Variants in IQSEC1 observed in about 807,000 individuals in gnomAD.
IQSEC1 encodes IQ motif and SEC7 domain-containing protein 1.
In IQSEC1, 31 loss-of-function variants were observed where a neutral mutation model predicts 91.0. That is an observed-to-expected ratio of 0.34 (90% CI 0.26 to 0.46). The LOEUF (loss-of-function observed/expected upper bound fraction) is 0.46, where lower values mean the gene tolerates loss of function less well. Among genes scored for constraint, IQSEC1 ranks in the 20% least tolerant of loss-of-function variants. The probability of loss-of-function intolerance (pLI) is 1.00; values close to 1 mark genes in which losing one functional copy is unlikely to be tolerated. For missense variants in IQSEC1, 1,388 were observed against 1,575.6 expected (o/e 0.88, Z 2.02); for synonymous variants, 699 against 662.6 (o/e 1.05, Z -0.84).
At chr3:13,262,161 C>T (rs574184131) in intron 1 of IQSEC1, among the ~76,000 whole-genome samples, 32 of 152,304 alleles carry the variant, frequency 2.1e-4, no homozygotes, top group African/African-American at 7.2e-4. Context: ...CCCAGGTGAA[C>T]GGGGTCAGTC....
intron 8 of IQSEC1, among the ~76,000 whole-genome samples, chr3:12,914,407 G>T (rs1326461293): frequency 1.3e-5 from 2 of 152,246 alleles, no homozygotes; most frequent in Non-Finnish European, 2.9e-5. Flanking sequence ...TCTACCAGGG[G>T]TGCTCTAGGC....
At position 12,901,210 on chromosome 3, in the gene IQSEC1, A is replaced by T; in HGVS notation, c.3118T>A (p.Tyr1040Asn). 6.5e-7 allele frequency: 1 copy of T among 1,545,934 alleles called. No individual in the cohort carries two copies. Among genetic ancestry groups the T allele is most frequent in the Non-Finnish European group, 8.7e-7 (1 of 1,144,794 alleles). Reference sequence around the variant, plus strand: ...GGGTGGTGGTGGTGGTGATGGTGGTACGGGGGAGGGTTCTGCATGTGGCAG... The same window carrying T: ...GGGTGGTGGTGGTGGTGATGGTGGTTCGGGGGAGGGTTCTGCATGTGGCAG... ...QYCHMQNPPPYHHHHHHHPPQ... is the reference protein window; with the variant it reads ...QYCHMQNPPPNHHHHHHHPPQ... Residue 1040 changes from tyrosine (Y) to asparagine (N), a missense_variant, in exon 14 of 14, where the codon TAC becomes AAC. Physicochemically the swap from Tyr to Asn is moderately radical, Grantham distance 143 (BLOSUM62 -2). Coordinates refer to ENST00000613206, the MANE Select transcript of IQSEC1 (RefSeq NM_001134382.3).
intron 1 of IQSEC1, among the ~76,000 whole-genome samples, chr3:12,958,537 T>A (rs1373782623): frequency 2.0e-5 from 3 of 152,242 alleles, no homozygotes; most frequent in African/African-American, 7.2e-5. Flanking sequence ...GAGTAGCTGC[T>A]GCCACTGTCA....
intron 2 of IQSEC1, among the ~76,000 whole-genome samples, chr3:13,143,411 G>A (rs1320494130): frequency 2.0e-5 from 3 of 152,208 alleles, no homozygotes; most frequent in African/African-American, 2.4e-5. Flanking sequence ...AGAAGCCAGC[G>A]GGTATGTGAG....
chr3:13,202,184 A>G (rs969371313), intron 1 of IQSEC1, among the ~76,000 whole-genome samples: 1 of 152,242 alleles, frequency 6.6e-6, no homozygotes. Context: ...AAGAAATTGG[A>G]ATCCTTGTGT....
intron 1 of IQSEC1, among the ~76,000 whole-genome samples, chr3:13,166,457 A>C (rs1220772713): frequency 6.6e-6 from 1 of 152,192 alleles, no homozygotes; most frequent in African/African-American, 2.4e-5. Context: ...GGGGACAAGC[A>C]CTGACCCTGA....
chr3:12,958,730 G>A (rs1368733572), intron 1 of IQSEC1, among the ~76,000 whole-genome samples: 1 of 152,194 alleles, frequency 6.6e-6, no homozygotes, highest in Non-Finnish European at 1.5e-5. Flanking sequence ...GTGTGACTTT[G>A]GCTTGTTTTG....
chr3:13,145,945 G>A (rs1395760219), intron 2 of IQSEC1, among the ~76,000 whole-genome samples: 1 of 152,196 alleles, frequency 6.6e-6, no homozygotes, highest in Non-Finnish European at 1.5e-5. Flanking sequence ...GGGTGCATGA[G>A]CAGGAGGGAA....
At chr3:13,031,321 C>T (rs534507518) in intron 1 of IQSEC1, among the ~76,000 whole-genome samples, 1 of 152,246 alleles carries the variant, frequency 6.6e-6, no homozygotes, top group African/African-American at 2.4e-5. Context: ...TCCACCCCAG[C>T]TGGTAGACAA....
chr3:12,909,721 G>A lies in IQSEC1; in HGVS notation c.2417-287C>T, dbSNP rs1695385243. 6.6e-6 allele frequency among the ~76,000 whole-genome samples: 1 copy of A among 152,246 alleles called. No homozygotes were observed. The highest frequency in any genetic ancestry group is 6.5e-5 in the Admixed American group (1 of 15,288). ...TGGAGGAGGACAGAGGTTGCGTCCT[G>A]AGAAAGGTGGGAGTCTTCTCTAGTC... is the stretch of plus-strand genomic sequence containing the variant. On this transcript the variant is annotated intron_variant, in intron 10 of 13. Transcript: ENST00000613206. This position sits in a 1 kb window ranked among gnomAD's most constrained non-coding sequence, Gnocchi z 4.9.
chr3:12,904,158 C>A (rs892281), intron 12 of IQSEC1, among the ~76,000 whole-genome samples: 1 of 152,138 alleles, frequency 6.6e-6, no homozygotes, highest in Non-Finnish European at 1.5e-5. Context: ...GGCTTCGAGC[C>A]TCCCCGTGCC....
chr3:13,143,490 C>G (rs1706835087), intron 2 of IQSEC1, among the ~76,000 whole-genome samples: 1 of 152,232 alleles, frequency 6.6e-6, no homozygotes, highest in South Asian at 2.1e-4. Context: ...TGAACCTGCT[C>G]TCTCAGCCAT....
intron 1 of IQSEC1, among the ~76,000 whole-genome samples, chr3:13,194,631 G>T (rs1338820235): frequency 6.6e-6 from 1 of 152,102 alleles, no homozygotes; most frequent in African/African-American, 2.4e-5. Flanking sequence ...GAGTTGGAGG[G>T]TGCCCACCCA....
At chr3:12,963,512 G>C (rs1321191897) in intron 1 of IQSEC1, among the ~76,000 whole-genome samples, 3 of 152,246 alleles carry the variant, frequency 2.0e-5, no homozygotes, top group African/African-American at 4.8e-5. Context: ...TGGTAATAAT[G>C]ATGATGGTGA....
chr3:13,179,865 G>A (rs893749235), intron 1 of IQSEC1, among the ~76,000 whole-genome samples: 9 of 152,340 alleles, frequency 5.9e-5, no homozygotes, highest in South Asian at 4.1e-4. Flanking sequence ...GGCTGGCCCC[G>A]CCAGCCCCGG....
intron 2 of IQSEC1, among the ~76,000 whole-genome samples, chr3:13,143,906 C>T (rs987670022): frequency 6.6e-6 from 1 of 152,142 alleles, no homozygotes; most frequent in South Asian, 2.1e-4. Flanking sequence ...CCTCCTGCTT[C>T]GGTTGTCTGC....
At chr3:12,921,977 C>T (rs1361313163) in intron 5 of IQSEC1, 143 bp downstream of exon 5, 6 of 1,011,348 alleles carry the variant, frequency 5.9e-6, no homozygotes, top group African/African-American at 5.0e-5. Context: ...GGAGCCAGTA[C>T]GATCACCCCC....
intron 2 of IQSEC1, among the ~76,000 whole-genome samples, chr3:13,132,651 T>C (rs1262685069): frequency 2.0e-5 from 3 of 152,212 alleles, no homozygotes; most frequent in African/African-American, 7.2e-5. Flanking sequence ...GCTGGGCAAA[T>C]TGTCCAGATC....
At chr3:13,038,153 A>C (rs1344182459) in intron 1 of IQSEC1, among the ~76,000 whole-genome samples, 1 of 149,244 alleles carries the variant, frequency 6.7e-6, no homozygotes, top group Non-Finnish European at 1.5e-5. Context: ...GATAAAGAAA[A>C]CTTGGTATAT....
Sources: gnomAD v4.1 joint callset for allele counts (sites outside exome capture counted in the v4.1 genomes callset) on GRCh38, gnomAD v4.1.1 for gene constraint, Gnocchi (gnomAD v3.1) non-coding constraint, MANE v1.5 for transcripts, NCBI Gene and HGNC (gene_info 2026-07-23, HGNC 2026-07-21) for gene names.